SYNPO2: variants seen among roughly 807,000 people sequenced by gnomAD.
SYNPO2 encodes synaptopodin-2.
Under a neutral mutation model 85.0 loss-of-function variants are expected in SYNPO2, and 56 were observed. The observed-to-expected ratio is 0.66, with a 90% CI of 0.53 to 0.82. SYNPO2 has a LOEUF of 0.82. Among genes scored for constraint, SYNPO2 ranks in the 40% least tolerant of loss-of-function variants. SYNPO2 has a pLI of 0.00. For missense variants in SYNPO2, 1,575 were observed against 1,534.2 expected (o/e 1.03, Z -0.44); for synonymous variants, 602 against 591.1 (o/e 1.02, Z -0.27).
intron 4 of SYNPO2, among the ~76,000 whole-genome samples, chr4:119,039,316 C>T (rs1361674988): frequency 6.6e-6 from 1 of 152,130 alleles, no homozygotes; most frequent in African/African-American, 2.4e-5. Flanking sequence ...AATCACAAGG[C>T]TATACTACCT....
chr4:118,972,177 C>T (rs1735563988), intron 1 of SYNPO2, among the ~76,000 whole-genome samples: 1 of 152,156 alleles, frequency 6.6e-6, no homozygotes, highest in Non-Finnish European at 1.5e-5. Context: ...AGTGCAGAGG[C>T]TCATGCATGC....
rs776587484 is a variant in SYNPO2, at chr4:119,031,928, G to A, written c.3153G>A (p.Val1051=). The A allele has an allele frequency of 1.9e-6, 3 of 1,614,172 alleles. No individual in the cohort carries two copies. The South Asian group carries it at 3.3e-5, about 18-fold the overall frequency. ...SSPVSASPVP[V]GIPTSPKQES... Reference sequence around the variant, plus strand: ...CAGTCAGTGCATCCCCAGTGCCTGTGGGCATTCCCACCTCGCCAAAGCAAG... The same window carrying A: ...CAGTCAGTGCATCCCCAGTGCCTGTAGGCATTCCCACCTCGCCAAAGCAAG... Residue 1051 remains valine, a synonymous_variant, in exon 4 of 5, where the codon GTG becomes GTA. Transcript: ENST00000307142.
intron 1 of SYNPO2, among the ~76,000 whole-genome samples, chr4:118,857,073 T>C (rs1731519759): frequency 1.3e-5 from 2 of 152,140 alleles, no homozygotes; most frequent in African/African-American, 4.8e-5. Flanking sequence ...AAATAATTTA[T>C]TAATAAATAT....
intron 1 of SYNPO2, among the ~76,000 whole-genome samples, chr4:118,857,546 G>A (rs1026018964): frequency 6.6e-6 from 1 of 152,046 alleles, no homozygotes; most frequent in Admixed American, 6.5e-5. Flanking sequence ...ACCACACAGA[G>A]CATATGGTTC....
intron 4 of SYNPO2, among the ~76,000 whole-genome samples, chr4:119,038,941 T>C (rs1738622683): frequency 6.6e-6 from 1 of 151,322 alleles, no homozygotes; most frequent in Admixed American, 6.6e-5. Flanking sequence ...TTTGAAAACA[T>C]CTCCTGAGGA....
chr4:118,878,506 G>T (rs192216990), intron 1 of SYNPO2, among the ~76,000 whole-genome samples: 1 of 152,308 alleles, frequency 6.6e-6, no homozygotes, highest in East Asian at 1.9e-4. Flanking sequence ...TGGGGACTTG[G>T]AGAAATTTTC....
At chr4:119,015,443 G>A (rs1262610699) in intron 1 of SYNPO2, among the ~76,000 whole-genome samples, 1 of 152,010 alleles carries the variant, frequency 6.6e-6, no homozygotes, top group Non-Finnish European at 1.5e-5. Context: ...TATGTCTAGA[G>A]CTATAGAAAA....
upstream of SYNPO2, among the ~76,000 whole-genome samples, chr4:118,886,049 A>G (rs1419356652): frequency 6.6e-6 from 1 of 152,176 alleles, no homozygotes; most frequent in East Asian, 1.9e-4. Context: ...TAAATCTTTG[A>G]TAAGAGTGGC....
chr4:119,051,362 T>G (rs1295945729), intron 4 of SYNPO2, among the ~76,000 whole-genome samples: 3 of 150,438 alleles, frequency 2.0e-5, no homozygotes, highest in Non-Finnish European at 4.4e-5. Context: ...GCTAATTTTT[T>G]GTATTTTTAG....
At chr4:118,864,463 T>C (rs1731668620) in intron 1 of SYNPO2, among the ~76,000 whole-genome samples, 2 of 152,240 alleles carry the variant, frequency 1.3e-5, no homozygotes, top group African/African-American at 4.8e-5. Flanking sequence ...CCATTTAGCC[T>C]ATGGTGCAGA....
intron 1 of SYNPO2, among the ~76,000 whole-genome samples, chr4:118,941,787 A>G (rs1175696874): frequency 6.6e-6 from 1 of 152,194 alleles, no homozygotes; most frequent in Admixed American, 6.5e-5. Flanking sequence ...CAGCCCCACT[A>G]TGCAGACCAC....
At chr4:118,875,032 A>G (rs1401243258) in intron 1 of SYNPO2, among the ~76,000 whole-genome samples, 1 of 152,118 alleles carries the variant, frequency 6.6e-6, no homozygotes. Flanking sequence ...GACAGGCCCC[A>G]TTGTGTGTTG....
chr4:118,854,065 G>C (rs1007043693), intron 1 of SYNPO2, among the ~76,000 whole-genome samples: 1 of 152,150 alleles, frequency 6.6e-6, no homozygotes, highest in African/African-American at 2.4e-5. Flanking sequence ...GAAAAATTAA[G>C]TACTGAGTTT....
At chr4:118,935,034 A>G (rs906214003) in intron 1 of SYNPO2, among the ~76,000 whole-genome samples, 9 of 152,164 alleles carry the variant, frequency 5.9e-5, no homozygotes, top group African/African-American at 2.2e-4. Context: ...TCCAGGCTCA[A>G]TATCCCCCAT....
intron 3 of SYNPO2, among the ~76,000 whole-genome samples, chr4:119,028,754 A>G (rs1267620943): frequency 6.7e-6 from 1 of 149,208 alleles, no homozygotes; most frequent in Non-Finnish European, 1.5e-5. Context: ...GCTAATTTTC[A>G]ATCATAAAAT....
Position 119,031,969 on chromosome 4 carries a change from C to T in SYNPO2, c.3194C>T (p.Ser1065Phe). 1 of 1,614,206 alleles carries T rather than the reference C, an allele frequency of 6.2e-7. No individual in the cohort carries two copies. The change falls in exon 4 of 5, where the codon TCT (serine) becomes TTT (phenylalanine). Residue 1065 changes from serine to phenylalanine, a missense_variant. By Grantham distance (155) the Ser-to-Phe change is radical. This residue lies in a region of SYNPO2 where 1,508 missense variants were observed against 1,446.8 expected (regional missense o/e 1.04). Transcript: ENST00000307142. ...CCAAAGCAAGAATCAGCCTCATCAT[C>T]TTATTTTGTGGCACCAAGGCCAAAG... ...TSPKQESASS[S>F]YFVAPRPKFS...
At chr4:118,919,318 C>A (rs1733456809) in intron 1 of SYNPO2, among the ~76,000 whole-genome samples, 1 of 152,124 alleles carries the variant, frequency 6.6e-6, no homozygotes, top group Non-Finnish European at 1.5e-5. Context: ...GAGAATTGGA[C>A]TTTGAGCTGA....
chr4:119,036,651 C>G (rs1738524233), intron 4 of SYNPO2: 2 of 985,356 alleles, frequency 2.0e-6, no homozygotes, highest in African/African-American at 3.5e-5. Context: ...CTATGAGCGT[C>G]ATGCCAATGA....
intron 1 of SYNPO2, among the ~76,000 whole-genome samples, chr4:118,985,758 C>T (rs1441172004): frequency 6.6e-6 from 1 of 152,194 alleles, no homozygotes; most frequent in Non-Finnish European, 1.5e-5. Flanking sequence ...GGTTCAGTGT[C>T]CTTACAGTAT....
Sources: allele counts gnomAD v4.1 joint callset (sites outside exome capture counted in the v4.1 genomes callset), GRCh38; gene constraint gnomAD v4.1.1; regional missense constraint gnomAD v4.1.1; transcripts MANE v1.5; gene names NCBI Gene and HGNC (gene_info 2026-07-23, HGNC 2026-07-21).